GRIK1: variants seen among roughly 807,000 people sequenced by gnomAD.
GRIK1 encodes glutamate receptor ionotropic, kainate 1.
In GRIK1, 69 loss-of-function variants were observed where a neutral mutation model predicts 105.7. The observed-to-expected ratio is 0.65, with a 90% CI of 0.54 to 0.80. The LOEUF is 0.80. GRIK1 is among the 30% of genes least tolerant of loss of function. The probability of loss-of-function intolerance (pLI) is 0.00; values close to 1 mark genes in which losing one functional copy is unlikely to be tolerated. For missense variants in GRIK1, 1,109 were observed against 1,167.3 expected, an observed-to-expected ratio of 0.95 and a Z score of 0.73; for synonymous variants, 438 against 431.3, an observed-to-expected ratio of 1.02 and a Z score of -0.19.
At chr21:29,604,715 G>A (rs1306365519) in intron 7 of GRIK1, among the ~76,000 whole-genome samples, 2 of 152,134 alleles carry the variant, frequency 1.3e-5, no homozygotes, top group East Asian at 1.9e-4. Flanking sequence ...TTAGGAAAGA[G>A]CTTTATTTTC....
chr21:29,845,124 T>A (rs2146019277), intron 1 of GRIK1, among the ~76,000 whole-genome samples: 1 of 152,292 alleles, frequency 6.6e-6, no homozygotes, highest in South Asian at 2.1e-4. Context: ...ATGTTAAAAT[T>A]TTTCCAGAAA....
rs34910439 is a variant in GRIK1 at position 29,541,575 on chromosome 21, C to CT, written c.2608-3692dup. 2.0e-3 allele frequency among the ~76,000 whole-genome samples: 188 copies of CT among 95,948 alleles called. 3 individuals carry two copies. The highest frequency in any genetic ancestry group is 0.016 in the Middle Eastern group (3 of 182). 62.9% of individuals were successfully genotyped at this position (95,948 alleles called of 152,430 possible). A position where few individuals can be genotyped will look rare whatever the true frequency, so the allele number is the denominator to read the frequency against. On this transcript the variant is annotated intron_variant, in intron 16 of 17. Coordinates refer to ENST00000327783, the MANE Select transcript of GRIK1 (RefSeq NM_001330994.2). ...CTATGCCATTCATTGCACTCACGGT[C>CT]TTTTTTTTTTTTTTTTTTTTTGTGG... is the stretch of plus-strand genomic sequence containing the variant.
intron 1 of GRIK1, among the ~76,000 whole-genome samples, chr21:29,767,113 C>T (rs9983673): frequency 0.02 from 3,054 of 152,014 alleles, 114 homozygotes; most frequent in African/African-American, 0.068. Context: ...ATACTTCATC[C>T]GAAGGAGGGG....
At chr21:29,729,759 T>A (rs2064564260) in intron 1 of GRIK1, among the ~76,000 whole-genome samples, 1 of 152,146 alleles carries the variant, frequency 6.6e-6, no homozygotes, top group African/African-American at 2.4e-5. Context: ...TAGAGAAAGA[T>A]AGTTTCTGGA....
At chr21:29,754,683 G>A (rs1380545979) in intron 1 of GRIK1, among the ~76,000 whole-genome samples, 1 of 152,188 alleles carries the variant, frequency 6.6e-6, no homozygotes, top group Non-Finnish European at 1.5e-5. Context: ...AAGGTATTTT[G>A]TAGACCTTGT....
intron 1 of GRIK1, among the ~76,000 whole-genome samples, chr21:29,916,587 A>G (rs151166327): frequency 6.6e-6 from 1 of 151,700 alleles, no homozygotes; most frequent in South Asian, 2.1e-4. Context: ...ATAATCGATA[A>G]TAAAAGAGTC....
At chr21:29,632,808 A>T (rs1338597447) in intron 7 of GRIK1, among the ~76,000 whole-genome samples, 1 of 152,198 alleles carries the variant, frequency 6.6e-6, no homozygotes, top group East Asian at 1.9e-4. Flanking sequence ...ATAAACTAAG[A>T]AGAGTTTGGC....
intron 1 of GRIK1, among the ~76,000 whole-genome samples, chr21:29,844,324 A>T (rs1306659315): frequency 6.6e-6 from 1 of 152,212 alleles, no homozygotes; most frequent in Non-Finnish European, 1.5e-5. Flanking sequence ...GCTAACACCT[A>T]GCAGCACTAA....
At chr21:29,829,996 T>A (rs1462221996) in intron 1 of GRIK1, among the ~76,000 whole-genome samples, 1 of 152,154 alleles carries the variant, frequency 6.6e-6, no homozygotes, top group Admixed American at 6.5e-5. Context: ...GTTTAAGCAG[T>A]AATTCCCAAA....
intron 9 of GRIK1, among the ~76,000 whole-genome samples, chr21:29,592,888 G>A (rs777674101): frequency 4.6e-5 from 7 of 152,158 alleles, no homozygotes; most frequent in Non-Finnish European, 7.4e-5. Flanking sequence ...ATGAACACTT[G>A]GACCCGCTCT....
At chr21:29,747,462 G>T (rs1235262089) in intron 1 of GRIK1, among the ~76,000 whole-genome samples, 1 of 152,176 alleles carries the variant, frequency 6.6e-6, no homozygotes, top group African/African-American at 2.4e-5. Flanking sequence ...GGTAAACAAG[G>T]CAGACCCTGA....
intron 1 of GRIK1, among the ~76,000 whole-genome samples, chr21:29,910,783 C>A (rs200607399): frequency 6.6e-6 from 1 of 152,088 alleles, no homozygotes; most frequent in African/African-American, 2.4e-5. Flanking sequence ...TAATTTTACA[C>A]GATCTATTTA....
intron 14 of GRIK1, among the ~76,000 whole-genome samples, chr21:29,575,818 C>T (rs1275974728): frequency 2.6e-5 from 4 of 151,970 alleles, no homozygotes; most frequent in African/African-American, 7.3e-5. Context: ...GGCGACAGAG[C>T]GAGACTCCAT....
At chr21:29,632,505 A>G (rs2062300758) in intron 7 of GRIK1, among the ~76,000 whole-genome samples, 1 of 108,954 alleles carries the variant, frequency 9.2e-6, no homozygotes, top group Non-Finnish European at 1.8e-5. Context: ...ATAGATACAG[A>G]CACAAATACA....
intron 1 of GRIK1, among the ~76,000 whole-genome samples, chr21:29,720,048 G>C (rs763586540): frequency 8.5e-5 from 13 of 152,140 alleles, no homozygotes; most frequent in Non-Finnish European, 1.6e-4. Flanking sequence ...ATTAAAATTT[G>C]AACGTTCTAA....
At chr21:29,708,313 T>A (rs2063965248) in intron 1 of GRIK1, among the ~76,000 whole-genome samples, 1 of 152,262 alleles carries the variant, frequency 6.6e-6, no homozygotes, top group Non-Finnish European at 1.5e-5. Context: ...GCCTTTTTTA[T>A]ATCCTGAGAT....
intron 7 of GRIK1, among the ~76,000 whole-genome samples, chr21:29,617,042 A>G (rs1363342928): frequency 2.0e-5 from 3 of 152,216 alleles, no homozygotes; most frequent in South Asian, 4.1e-4. Flanking sequence ...AACATTTTAT[A>G]ATAAGTAAAA....
At chr21:29,725,671 A>T (rs137879450) in intron 1 of GRIK1, among the ~76,000 whole-genome samples, 2 of 152,244 alleles carry the variant, frequency 1.3e-5, no homozygotes, top group African/African-American at 4.8e-5. Context: ...CCATCCTGAT[A>T]CAAAGAATGA....
intron 13 of GRIK1, among the ~76,000 whole-genome samples, chr21:29,580,039 ATATATG>A (rs1162026371): frequency 7.0e-6 from 1 of 142,594 alleles, no homozygotes; most frequent in African/African-American, 2.7e-5. Flanking sequence ...ATATATGTGT[ATATATG>A]TATATATGTA....
Sources: gnomAD v4.1 joint callset for allele counts (sites outside exome capture counted in the v4.1 genomes callset) on GRCh38, gnomAD v4.1.1 for gene constraint, MANE v1.5 for transcripts, NCBI Gene and HGNC (gene_info 2026-07-23, HGNC 2026-07-21) for gene names.